The following ZC4H2 variants were observed in gnomAD, a reference collection of about 807,000 sequenced individuals.
ZC4H2 encodes zinc finger C4H2-type containing.
For missense variants in ZC4H2, 137 were observed against 173.9 expected (o/e 0.79, Z 1.19); for synonymous variants, 84 against 66.3 (o/e 1.27, Z -1.30).
chrX:65,026,162 C>T (rs777127245), intron 1 of ZC4H2, among the ~76,000 whole-genome samples: 3 of 111,852 alleles, frequency 2.7e-5, no homozygotes, highest in African/African-American at 9.8e-5. Flanking sequence ...AGTGTCATGC[C>T]ATCTGACCTA....
chrX:64,995,544 G>C (rs1038928951), intron 1 of ZC4H2, among the ~76,000 whole-genome samples: 13 of 112,247 alleles, frequency 1.2e-4, no homozygotes, highest in African/African-American at 3.9e-4. Flanking sequence ...ATTTTGGGTA[G>C]AGACAGGGTT....
At chrX:64,986,431 C>T (rs545505439) in intron 1 of ZC4H2, among the ~76,000 whole-genome samples, 2 of 112,185 alleles carry the variant, frequency 1.8e-5, no homozygotes, top group African/African-American at 6.5e-5. Context: ...TACATGCTGA[C>T]ATTGGAGTTA....
intron 1 of ZC4H2, among the ~76,000 whole-genome samples, chrX:65,030,253 G>A (rs748643412): frequency 9.0e-6 from 1 of 111,076 alleles, no homozygotes; most frequent in Non-Finnish European, 1.9e-5. Context: ...GAGTAGCTGG[G>A]ACTACAGCCA....
chrX:64,964,202 A>AAAATT (rs1219584458), intron 1 of ZC4H2, among the ~76,000 whole-genome samples: 3 of 111,490 alleles, frequency 2.7e-5, no homozygotes, highest in East Asian at 2.8e-4. Flanking sequence ...TTACCACAGT[A>AAAATT]AAATTAAATT....
At chrX:64,942,455 T>C (rs1460011601) in intron 1 of ZC4H2, among the ~76,000 whole-genome samples, 2 of 109,815 alleles carry the variant, frequency 1.8e-5, no homozygotes, top group Non-Finnish European at 3.8e-5. Flanking sequence ...ACATTACATA[T>C]TTCTCCAAAT....
chrX:64,990,780 G>A (rs1932294441), intron 1 of ZC4H2, among the ~76,000 whole-genome samples: 2 of 110,885 alleles, frequency 1.8e-5, no homozygotes, highest in African/African-American at 6.6e-5. Flanking sequence ...GGGAGTGAAC[G>A]GCTTCCCCTC....
intron 1 of ZC4H2, among the ~76,000 whole-genome samples, chrX:64,947,916 T>C (rs1429349892): frequency 4.5e-5 from 5 of 110,944 alleles, no homozygotes; most frequent in Non-Finnish European, 9.4e-5. Context: ...TCTGCTGTGA[T>C]TCTGATGGCT....
intron 1 of ZC4H2, among the ~76,000 whole-genome samples, chrX:64,955,959 C>A (rs1376741151): frequency 1.8e-5 from 2 of 111,542 alleles, no homozygotes; most frequent in African/African-American, 6.5e-5. Flanking sequence ...TATGAGGAGG[C>A]CTTTACTCTT....
intron 1 of ZC4H2, chrX:64,965,319 C>T (rs758543180): frequency 2.2e-5 from 4 of 185,492 alleles, no homozygotes; most frequent in Non-Finnish European, 4.0e-5. Flanking sequence ...AAACTATTGG[C>T]ATAAAGATAC....
intron 1 of ZC4H2, among the ~76,000 whole-genome samples, chrX:65,007,508 T>C (rs1433216215): frequency 1.8e-5 from 2 of 112,185 alleles, no homozygotes; most frequent in Admixed American, 9.5e-5. Context: ...ACATATACAG[T>C]TGTTTTTGAA....
At chrX:64,954,271 A>G (rs1931026930) in intron 1 of ZC4H2, among the ~76,000 whole-genome samples, 2 of 94,098 alleles carry the variant, frequency 2.1e-5, no homozygotes, top group African/African-American at 4.3e-5. Flanking sequence ...ATACATATGT[A>G]GCAAACCTGC....
rs181376363 is a variant in ZC4H2 at position 64,954,249 on chromosome X, C to T, written c.53+22076G>A. Among the ~76,000 whole-genome samples the T allele has an allele frequency of 2.2e-4, 21 of 96,322 alleles. No individual in the cohort carries two copies. The East Asian group carries it at 3.2e-3, about 15-fold the overall frequency. The allele number at this position is 96,322 out of a possible 115,157, so 83.6% of individuals were successfully genotyped here. On this transcript the variant is annotated intron_variant, in intron 1 of 4. Transcript: ENST00000374839. ...CGAGTTAATGGGTGCAGCACACCTA[C>T]GTGGCACGTGTATACATATGTAGCA...
At chrX:65,019,564 T>C (rs1186806635) in intron 1 of ZC4H2, among the ~76,000 whole-genome samples, 1 of 111,789 alleles carries the variant, frequency 8.9e-6, no homozygotes, top group African/African-American at 3.3e-5. Flanking sequence ...GGCAGATAAA[T>C]CCACGAAGAT....
At chrX:64,924,891 A>G in intron 1 of ZC4H2, among the ~76,000 whole-genome samples, 1 of 111,213 alleles carries the variant, frequency 9.0e-6, no homozygotes, top group Non-Finnish European at 1.9e-5. Context: ...TGGGACTTTT[A>G]TCCTCAGTGG....
intron 1 of ZC4H2, among the ~76,000 whole-genome samples, chrX:64,967,736 G>A (rs777265716): frequency 1.8e-5 from 2 of 111,797 alleles, no homozygotes; most frequent in Non-Finnish European, 3.8e-5. Context: ...GATGGGAAAG[G>A]GACTAGCACA....
intron 1 of ZC4H2, among the ~76,000 whole-genome samples, chrX:64,993,472 A>G (rs1324699710): frequency 9.0e-6 from 1 of 111,635 alleles, no homozygotes; most frequent in Non-Finnish European, 1.9e-5. Flanking sequence ...TGATTAGGTC[A>G]GTGTTCTTAT....
At chrX:65,026,711 GAA>G (rs537124076) in intron 1 of ZC4H2, among the ~76,000 whole-genome samples, 3 of 97,061 alleles carry the variant, frequency 3.1e-5, no homozygotes, top group Non-Finnish European at 2.1e-5. Flanking sequence ...TCCGTCTCAG[GAA>G]AAAAAAAAAA....
At chrX:64,957,420 C>T (rs767566450) in intron 1 of ZC4H2, among the ~76,000 whole-genome samples, 1 of 112,453 alleles carries the variant, frequency 8.9e-6, no homozygotes, top group South Asian at 3.7e-4. Context: ...TTTAACAACT[C>T]TTTTGCAATA....
At chrX:64,939,965 C>T (rs746338876) in intron 1 of ZC4H2, among the ~76,000 whole-genome samples, 9 of 111,241 alleles carry the variant, frequency 8.1e-5, no homozygotes, top group Non-Finnish European at 1.9e-5. Flanking sequence ...TTCTGCACAG[C>T]AAAAGAAACT....
Sources: allele counts gnomAD v4.1 joint callset (sites outside exome capture counted in the v4.1 genomes callset), GRCh38; gene constraint gnomAD v4.1.1; transcripts MANE v1.5; gene names NCBI Gene and HGNC (gene_info 2026-07-23, HGNC 2026-07-21).